The following SLC7A2 variants were observed in gnomAD, a reference collection of about 807,000 sequenced individuals.
SLC7A2 encodes solute carrier family 7 member 2, also known as cationic amino acid transporter 2.
Under a neutral mutation model 58.9 loss-of-function variants are expected in SLC7A2, and 48 were observed. That is an observed-to-expected ratio of 0.82 (90% CI 0.65 to 1.04). SLC7A2 has a LOEUF of 1.04. Ranked by LOEUF, SLC7A2 falls within the 50% of genes least tolerant of loss-of-function variation. The pLI, the probability that SLC7A2 is intolerant of heterozygous loss-of-function variation, is 0.00. For synonymous variants in SLC7A2, 363 were observed against 314.5 expected (o/e 1.15, Z -1.63); for missense variants, 1,029 against 818.8 (o/e 1.26, Z -3.13).
chr8:17,507,144 A>ACTATGTTGGC (rs1800400874), intron 2 of SLC7A2, among the ~76,000 whole-genome samples: 1 of 151,774 alleles, frequency 6.6e-6, no homozygotes, highest in South Asian at 2.1e-4. Flanking sequence ...ATGGGGTTTT[A>ACTATGTTGGC]CTATGTTGGC....
chr8:17,530,247 G>T (rs988918105), intron 2 of SLC7A2, among the ~76,000 whole-genome samples: 8 of 152,192 alleles, frequency 5.3e-5, no homozygotes, highest in African/African-American at 1.9e-4. Context: ...TGACAGAGAG[G>T]ATAAGAAAGA....
At chr8:17,525,360 A>C (rs1801182009) in intron 2 of SLC7A2, among the ~76,000 whole-genome samples, 1 of 152,250 alleles carries the variant, frequency 6.6e-6, no homozygotes, top group South Asian at 2.1e-4. Flanking sequence ...TGTAGACCTT[A>C]AATATATGCA....
chr8:17,536,689 T>C (rs1357348804), intron 2 of SLC7A2, among the ~76,000 whole-genome samples: 3 of 152,182 alleles, frequency 2.0e-5, no homozygotes, highest in South Asian at 2.1e-4. Flanking sequence ...ATTAGAGTTA[T>C]TCTATCACGG....
At chr8:17,554,463 C>A in intron 7 of SLC7A2, 97 bp from the exon 8 acceptor site, 1 of 961,696 alleles carries the variant, frequency 1.0e-6, no homozygotes, top group Middle Eastern at 2.3e-4. Context: ...ATAATTACAA[C>A]TGTCATGCTG....
rs915259526 is a variant in SLC7A2, at chr8:17,565,110, A to C, written c.1941A>C (p.Ser647=). ...ANDHHPRNLS[S]PFIFHEKTSE... is the part of the protein sequence containing the mutation. ...ACCATCACCCAAGAAATCTCAGTTC[A>C]CCTTTCATATTCCATGAAAAGACAA... is the stretch of plus-strand genomic sequence containing the variant. Residue 647 remains serine (S), a synonymous_variant, in exon 13 of 13, where the codon TCA becomes TCC. Transcript: ENST00000494857. The C allele has an allele frequency of 6.2e-7, 1 of 1,613,590 alleles. No individual in the cohort carries two copies. The highest frequency in any genetic ancestry group is 1.3e-5 in the African/African-American group (1 of 74,896).
In SLC7A2 at chr8:17,551,835, G is replaced by T. The variant is rs755916419; in HGVS notation, c.904G>T (p.Ala302Ser). Residue 302 changes from alanine (A) to serine (S), a missense_variant, in exon 7 of 13, where the codon GCC becomes TCC. Physicochemically the swap from Ala to Ser is moderately conservative, Grantham distance 99. Transcript: ENST00000494857. ...IVTSLLVCFM[A>S]YFGVSAALTL... Reference sequence around the variant, plus strand: ...GACGTCTTTGCTTGTTTGCTTTATGGCCTATTTTGGGGTCTCTGCAGCTTT... The same window carrying T: ...GACGTCTTTGCTTGTTTGCTTTATGTCCTATTTTGGGGTCTCTGCAGCTTT... 1.2e-6 allele frequency: 2 copies of T among 1,613,776 alleles called. No individual in the cohort carries two copies. The highest frequency in any genetic ancestry group is 1.7e-6 in the Non-Finnish European group (2 of 1,179,978).
chr8:17,512,134 A>G (rs1157593662), intron 2 of SLC7A2, among the ~76,000 whole-genome samples: 1 of 152,264 alleles, frequency 6.6e-6, no homozygotes, highest in South Asian at 2.1e-4. Flanking sequence ...GAGCTCTTAG[A>G]ACGTATATCG....
chr8:17,565,148 A>T lies in SLC7A2; in HGVS notation c.*2A>T. 6.2e-7 allele frequency: 1 copy of T among 1,609,036 alleles called. No individual in the cohort carries two copies. Among genetic ancestry groups the T allele is most frequent in the Non-Finnish European group, 8.5e-7 (1 of 1,176,676 alleles). On this transcript the variant is annotated 3_prime_UTR_variant, in exon 13 of 13. Transcript: ENST00000494857. The stretch of plus-strand genomic sequence containing the variant: ...CATGAAAAGACAAGTGAATTCTAAC[A>T]CTTGCAGGAGCAGAGCTGGTCATCG...
chr8:17,526,355 C>T (rs1292082454), intron 2 of SLC7A2, among the ~76,000 whole-genome samples: 1 of 152,166 alleles, frequency 6.6e-6, no homozygotes, highest in African/African-American at 2.4e-5. Context: ...GGTATGGTGG[C>T]AGCAGATGAC....
At chr8:17,564,925 AT>A (rs368013577) in intron 12 of SLC7A2, 24 bp from the exon 13 acceptor site, 52,405 of 1,078,162 alleles carry the variant, frequency 0.049, 944 homozygotes, top group Admixed American at 0.18. Context: ...TGAAACATTG[AT>A]TTTTTTTTTT....
chr8:17,528,026 G>A (rs13252649), intron 2 of SLC7A2, among the ~76,000 whole-genome samples: 11,886 of 152,134 alleles, frequency 0.078, 530 homozygotes, highest in African/African-American at 0.14. Context: ...CCATCCAGGC[G>A]AAGAGGGGAA....
At position 17,528,409 on chromosome 8, in the gene SLC7A2, G is replaced by A. The variant is rs576865948; in HGVS notation, c.-22-14909G>A. Among the ~76,000 whole-genome samples the A allele has an allele frequency of 4.6e-5, 7 of 152,160 alleles. No homozygotes were observed. In the South Asian group the frequency reaches 1.0e-3, roughly 23 times the overall value. On this transcript the variant is annotated intron_variant, in intron 2 of 12. Coordinates refer to ENST00000494857, the MANE Select transcript of SLC7A2 (RefSeq NM_001370338.1). The stretch of plus-strand genomic sequence containing the variant: ...TTGTTTATTTGTTTTTTTAGAGACA[G>A]GGTCTCACTCTGTTGCCCAGGCCGG...
At chr8:17,545,287 T>C (rs1456903348) in intron 4 of SLC7A2, among the ~76,000 whole-genome samples, 1 of 152,114 alleles carries the variant, frequency 6.6e-6, no homozygotes, top group Non-Finnish European at 1.5e-5. Flanking sequence ...GTCTGCCTCC[T>C]ATAGCCTTCT....
chr8:17,508,963 G>C (rs1259800565), intron 2 of SLC7A2, among the ~76,000 whole-genome samples: 2 of 152,082 alleles, frequency 1.3e-5, no homozygotes. Context: ...GCCGCCTTTT[G>C]GTGGTGAGCT....
At chr8:17,495,589 GC>G (rs1799937381), upstream of SLC7A2, among the ~76,000 whole-genome samples, 1 of 152,026 alleles carries the variant, frequency 6.6e-6, no homozygotes, top group South Asian at 2.1e-4. Context: ...TCACTCTGTC[GC>G]CCAGGCTGGA....
chr8:17,511,685 A>T (rs749303462), intron 2 of SLC7A2, among the ~76,000 whole-genome samples: 58 of 152,248 alleles, frequency 3.8e-4, no homozygotes, highest in Non-Finnish European at 7.3e-4. Context: ...GAAATAACTG[A>T]AGGTGACGTT....
rs1802462481 is a variant in SLC7A2, at chr8:17,551,792, T to C, written c.861T>C (p.Ala287=). The C allele has an allele frequency of 2.5e-6, 4 of 1,613,980 alleles. No homozygotes were observed. The African/African-American group carries it at 4.0e-5, about 16-fold the overall frequency. ...TGEEVRNPQK[A]IPIGIVTSLL... is the part of the protein sequence containing the mutation. ...AAGAAGTTCGGAATCCCCAGAAAGCTATTCCCATTGGAATTGTGACGTCTT... is the reference window on the plus strand; with the variant it reads ...AAGAAGTTCGGAATCCCCAGAAAGCCATTCCCATTGGAATTGTGACGTCTT... The change falls in exon 7 of 13, where the codon GCT becomes GCC. Residue 287 remains alanine (A), a synonymous_variant. Transcript: ENST00000494857.
chr8:17,563,460 T>C lies in SLC7A2; in HGVS notation c.1672-143T>C, dbSNP rs1039107405. On this transcript the variant is annotated intron_variant, in intron 11 of 12. Transcript: ENST00000494857. ...ATACTCTAAGATGTGATTCTCCTTTTATGGTCTCTAGAAGCGTGGTTTTAA... is the reference window on the plus strand; with the variant it reads ...ATACTCTAAGATGTGATTCTCCTTTCATGGTCTCTAGAAGCGTGGTTTTAA... 2.1e-4 allele frequency: 124 copies of C among 587,896 alleles called. No homozygotes were observed. The East Asian group carries it at 3.5e-3, about 16-fold the overall frequency. 36.4% of individuals were successfully genotyped at this position (587,896 alleles called of 1,614,324 possible). A position where few individuals can be genotyped will look rare whatever the true frequency, so the allele number is the denominator to read the frequency against.
rs1359765102 is a variant in SLC7A2 at position 17,544,447 on chromosome 8, G to A, written c.377-4G>A. ...CTTCGTATTCTCTGTTCTGTTTTGG[G>A]AAGGTACATCAAGTGTTGCAAGAGC... On this transcript the variant is annotated splice_polypyrimidine_tract_variant and splice_region_variant and intron_variant, in intron 3 of 12. Coordinates refer to ENST00000494857, the MANE Select transcript of SLC7A2 (RefSeq NM_001370338.1). 3 of 1,613,026 alleles carry A rather than the reference G, an allele frequency of 1.9e-6. No individual in the cohort carries two copies. Among genetic ancestry groups the A allele is most frequent in the East Asian group, 2.2e-5 (1 of 44,870 alleles).
Sources: gnomAD v4.1 joint callset for allele counts (sites outside exome capture counted in the v4.1 genomes callset) on GRCh38, gnomAD v4.1.1 for gene constraint, MANE v1.5 for transcripts, NCBI Gene and HGNC (gene_info 2026-07-23, HGNC 2026-07-21) for gene names.